SCLT1: variants seen among roughly 807,000 people sequenced by gnomAD.
The protein encoded by SCLT1 is sodium channel and clathrin linker 1.
Under a neutral mutation model 112.8 loss-of-function variants are expected in SCLT1, and 78 were observed. That is an observed-to-expected ratio of 0.69 (90% CI 0.58 to 0.83). SCLT1 has a LOEUF of 0.83. SCLT1 is among the 40% of genes least tolerant of loss of function. The pLI is 0.00. For missense variants in SCLT1, 747 were observed against 770.4 expected, an observed-to-expected ratio of 0.97 and a Z score of 0.36; for synonymous variants, 257 against 254.7, an observed-to-expected ratio of 1.01 and a Z score of -0.09.
intron 5 of SCLT1, among the ~76,000 whole-genome samples, chr4:129,011,671 C>T (rs115095797): frequency 0.045 from 6,850 of 151,816 alleles, 255 homozygotes; most frequent in Non-Finnish European, 0.068. Context: ...TGGTCCTGGG[C>T]TTTTTTGGTT....
intron 18 of SCLT1, among the ~76,000 whole-genome samples, chr4:128,929,965 G>A (rs896295620): frequency 2.0e-4 from 31 of 152,134 alleles, no homozygotes; most frequent in African/African-American, 7.2e-4. Flanking sequence ...GAGGTGAAAG[G>A]ACAATATAAG....
In SCLT1 at chr4:129,043,474, A is replaced by C; in HGVS notation, c.162-7T>G. ...AACAAGAGGAGCTAAAAAGCTAAAAAAAGACAATAAAAATATAGCATATTC... is the reference window on the plus strand; with the variant it reads ...AACAAGAGGAGCTAAAAAGCTAAAACAAGACAATAAAAATATAGCATATTC... On this transcript the variant is annotated splice_region_variant and splice_polypyrimidine_tract_variant and intron_variant, in intron 3 of 20. Coordinates refer to ENST00000281142, the MANE Select transcript of SCLT1 (RefSeq NM_144643.4). 7.5e-7 allele frequency: 1 copy of C among 1,331,364 alleles called. No individual in the cohort carries two copies. Among genetic ancestry groups the C allele is most frequent in the Non-Finnish European group, 1.1e-6 (1 of 942,312 alleles). The allele number at this position is 1,331,364 out of a possible 1,614,324, so 82.5% of individuals were successfully genotyped here. A position where few individuals can be genotyped will look rare whatever the true frequency, so the allele number is the denominator to read the frequency against.
intron 18 of SCLT1, among the ~76,000 whole-genome samples, chr4:128,899,256 A>G (rs1433719389): frequency 1.3e-5 from 2 of 152,202 alleles, no homozygotes; most frequent in East Asian, 3.8e-4. Context: ...CCTGATGAAC[A>G]TCGATGCAAA....
intron 2 of SCLT1, among the ~76,000 whole-genome samples, chr4:129,069,786 A>G (rs1453096006): frequency 2.0e-5 from 3 of 152,072 alleles, no homozygotes; most frequent in African/African-American, 7.2e-5. Context: ...GGCTTCCAGT[A>G]TGATGTTGAA....
downstream of SCLT1, among the ~76,000 whole-genome samples, chr4:128,881,488 C>T (rs188873999): frequency 1.1e-4 from 17 of 152,188 alleles, no homozygotes; most frequent in East Asian, 2.3e-3. Context: ...GGTTATAATT[C>T]TCACACCAGA....
intron 18 of SCLT1, among the ~76,000 whole-genome samples, chr4:128,922,125 T>C (rs569309984): frequency 8.1e-4 from 124 of 152,264 alleles, no homozygotes; most frequent in Non-Finnish European, 8.5e-4. Flanking sequence ...AGAATTGATA[T>C]TATTAAAAAG....
chr4:128,938,442 A>G (rs1290928455), intron 17 of SCLT1, among the ~76,000 whole-genome samples: 7 of 152,192 alleles, frequency 4.6e-5, no homozygotes, highest in African/African-American at 7.2e-5. Context: ...GACACTGGAA[A>G]ACCAATCTTG....
intron 9 of SCLT1, among the ~76,000 whole-genome samples, chr4:128,988,861 C>T (rs1742325911): frequency 6.6e-6 from 1 of 151,522 alleles, no homozygotes; most frequent in Non-Finnish European, 1.5e-5. Flanking sequence ...GATTTCAAGA[C>T]AAAAATTGTA....
intron 19 of SCLT1, 122 bp downstream of exon 19, chr4:128,890,937 G>T: frequency 1.6e-6 from 1 of 644,946 alleles, no homozygotes. Context: ...TTAGGGTTAT[G>T]GATGATTTCT....
rs538481273 is a variant in SCLT1 at position 128,909,592 on chromosome 4, G to A, written c.1830-18455C>T. Among the ~76,000 whole-genome samples the A allele has an allele frequency of 1.3e-4, 20 of 152,248 alleles. No homozygotes were observed. The South Asian group carries it at 1.5e-3, about 11-fold the overall frequency. ...ACTTATTATCTGATAATTAACATGCGTATGTTTATTTATTCAATAATTTCT... is the reference window on the plus strand; with the variant it reads ...ACTTATTATCTGATAATTAACATGCATATGTTTATTTATTCAATAATTTCT... On this transcript the variant is annotated intron_variant, in intron 18 of 20. Transcript: ENST00000281142.
intron 18 of SCLT1, among the ~76,000 whole-genome samples, chr4:128,907,212 A>G (rs1416810189): frequency 6.6e-6 from 1 of 152,226 alleles, no homozygotes; most frequent in Non-Finnish European, 1.5e-5. Context: ...AAGTCGTAAC[A>G]GGAAATTGGC....
intron 5 of SCLT1, among the ~76,000 whole-genome samples, chr4:129,034,167 T>C (rs1172228798): frequency 2.0e-5 from 3 of 152,088 alleles, no homozygotes; most frequent in Non-Finnish European, 4.4e-5. Flanking sequence ...CACTGAAAAA[T>C]AATGGCTTTA....
At chr4:128,879,954 A>G (rs966583263), downstream of SCLT1, among the ~76,000 whole-genome samples, 1 of 152,238 alleles carries the variant, frequency 6.6e-6, no homozygotes, top group African/African-American at 2.4e-5. Flanking sequence ...ACATTGAACG[A>G]AAACTTCCAT....
chr4:128,927,651 T>C (rs1316674230), intron 18 of SCLT1, among the ~76,000 whole-genome samples: 3 of 151,246 alleles, frequency 2.0e-5, no homozygotes, highest in African/African-American at 7.3e-5. Context: ...AGCTAAGACA[T>C]AGGGAAAAAT....
At chr4:128,903,816 C>T (rs1368278517) in intron 18 of SCLT1, among the ~76,000 whole-genome samples, 1 of 152,086 alleles carries the variant, frequency 6.6e-6, no homozygotes, top group Non-Finnish European at 1.5e-5. Context: ...AAAGGAAAGA[C>T]CCGGGAGGAT....
rs901790210 is a variant in SCLT1 at position 129,093,368 on chromosome 4, G to C, written c.-265C>G. 1.8e-6 allele frequency: 1 copy of C among 545,980 alleles called. No individual in the cohort carries two copies. The highest frequency in any genetic ancestry group is 3.3e-6 in the Non-Finnish European group (1 of 304,332). 33.8% of individuals were successfully genotyped at this position (545,980 alleles called of 1,614,324 possible). ...ACCGAATCCCACGCTGGTGGGAAGAGGACGCGGTCGATACAGGCGTCCCGC... is the reference window on the plus strand; with the variant it reads ...ACCGAATCCCACGCTGGTGGGAAGACGACGCGGTCGATACAGGCGTCCCGC... On this transcript the variant is annotated 5_prime_UTR_variant, in exon 1 of 21. Coordinates refer to ENST00000281142, the MANE Select transcript of SCLT1 (RefSeq NM_144643.4).
At chr4:128,960,137 A>G (rs891664936) in intron 11 of SCLT1, among the ~76,000 whole-genome samples, 9 of 152,122 alleles carry the variant, frequency 5.9e-5, no homozygotes, top group African/African-American at 2.2e-4. Flanking sequence ...TTAAGAAATG[A>G]GTTGTTCTTT....
intron 2 of SCLT1, among the ~76,000 whole-genome samples, chr4:129,080,464 T>A (rs544641906): frequency 1.2e-4 from 18 of 152,204 alleles, no homozygotes; most frequent in Non-Finnish European, 2.2e-4. Flanking sequence ...GTTCCACAGA[T>A]CCTTAGAGCA....
At chr4:128,903,656 C>A (rs1734487865) in intron 18 of SCLT1, among the ~76,000 whole-genome samples, 1 of 152,112 alleles carries the variant, frequency 6.6e-6, no homozygotes, top group Non-Finnish European at 1.5e-5. Context: ...TTCAACCTTA[C>A]AGTTTTCTTC....
Sources: allele counts gnomAD v4.1 joint callset (sites outside exome capture counted in the v4.1 genomes callset), GRCh38; gene constraint gnomAD v4.1.1; transcripts MANE v1.5; gene names NCBI Gene and HGNC (gene_info 2026-07-23, HGNC 2026-07-21).